AMPD1: variants seen among roughly 807,000 people sequenced by gnomAD.
The protein encoded by AMPD1 is AMP deaminase 1.
Under a neutral mutation model 82.9 loss-of-function variants are expected in AMPD1, and 74 were observed. The ratio of observed to expected loss-of-function variants is 0.89; its 90% CI spans 0.74 to 1.08. The LOEUF (loss-of-function observed/expected upper bound fraction) is 1.08. Among genes scored for constraint, AMPD1 ranks in the 50% least tolerant of loss-of-function variants. AMPD1 has a pLI of 0.00. For missense variants in AMPD1, 881 were observed against 924.5 expected (o/e 0.95, Z 0.61); for synonymous variants, 333 against 320.5 (o/e 1.04, Z -0.42).
intron 2 of AMPD1, among the ~76,000 whole-genome samples, chr1:114,692,082 A>G (rs150766227): frequency 1.5e-4 from 23 of 152,238 alleles, no homozygotes; most frequent in East Asian, 1.2e-3. Context: ...ATTGTTATGA[A>G]GATTTAACAA....
At chr1:114,692,152 G>A (rs1658534373) in intron 2 of AMPD1, among the ~76,000 whole-genome samples, 1 of 152,136 alleles carries the variant, frequency 6.6e-6, no homozygotes, top group Admixed American at 6.5e-5. Flanking sequence ...TATTAACACA[G>A]GAAGTGCAAG....
chr1:114,683,286 G>A (rs1265336625), intron 5 of AMPD1: 1 of 296,684 alleles, frequency 3.4e-6, no homozygotes. Flanking sequence ...GAATAAGTGA[G>A]GGGAAGGACA....
chr1:114,679,801 T>C (rs971608320), intron 6 of AMPD1, 93 bp from the exon 7 acceptor site: 2 of 1,456,814 alleles, frequency 1.4e-6, no homozygotes, highest in Non-Finnish European at 1.9e-6. Flanking sequence ...TTATCATTCA[T>C]AGGAAATAAT....
chr1:114,679,548 G>T, intron 7 of AMPD1, 31 bp downstream of exon 7: 10 of 1,612,920 alleles, frequency 6.2e-6, no homozygotes, highest in Non-Finnish European at 8.5e-6. Flanking sequence ...TTTTTGCCCA[G>T]GAATTACCCC....
rs1335328228 is a variant in AMPD1 at position 114,673,208 on chromosome 1, C to T, written c.2150G>A (p.Arg717Lys). The change falls in exon 16 of 16, where the codon AGG becomes AAG. Residue 717 changes from arginine (R) to lysine (K), a missense_variant. Transcript: ENST00000520113. Reference protein sequence around the residue: ...EEGPAGNDIRRTNVAQIRMAY... With the variant: ...EEGPAGNDIRKTNVAQIRMAY... The stretch of plus-strand genomic sequence containing the variant: ...CATGCGGATTTGGGCTACATTTGTC[C>T]TCCGGATATCATTTCCAGCAGGGCC... 1.2e-6 allele frequency: 2 copies of T among 1,613,976 alleles called. No homozygotes were observed. Among genetic ancestry groups the T allele is most frequent in the African/African-American group, 2.7e-5 (2 of 74,898 alleles).
intron 4 of AMPD1, among the ~76,000 whole-genome samples, chr1:114,685,068 A>G (rs1658270433): frequency 6.6e-6 from 1 of 152,202 alleles, no homozygotes; most frequent in Admixed American, 6.5e-5. Context: ...CTGAATGTTC[A>G]TTATCAGAAC....
Position 114,676,572 on chromosome 1 carries a change from G to A in AMPD1, c.1389-569C>T, listed in dbSNP as rs142345552. Among the ~76,000 whole-genome samples, 96 of 152,256 alleles carry A rather than the reference G, an allele frequency of 6.3e-4. 1 individual carries two copies. Among genetic ancestry groups the A allele is most frequent in the Non-Finnish European group, 1.1e-3 (77 of 68,022 alleles). On this transcript the variant is annotated intron_variant, in intron 10 of 15. Transcript: ENST00000520113. Reference sequence around the variant, plus strand: ...CAAGGTAACACAGCTAAATGGTTGTGTTACCTTGATTTAAGTATTGCCAGG... The same window carrying A: ...CAAGGTAACACAGCTAAATGGTTGTATTACCTTGATTTAAGTATTGCCAGG...
intron 4 of AMPD1, 113 bp from the exon 5 acceptor site, chr1:114,684,477 G>A: frequency 9.1e-7 from 1 of 1,097,540 alleles, no homozygotes; most frequent in Non-Finnish European, 1.3e-6. Context: ...AGCCCATTCT[G>A]AGACTCACCA....
At chr1:114,693,143 A>C (rs972599079) in intron 2 of AMPD1, among the ~76,000 whole-genome samples, 1 of 148,038 alleles carries the variant, frequency 6.8e-6, no homozygotes, top group African/African-American at 2.5e-5. Flanking sequence ...TAAATAAATA[A>C]ATAAATAAAT....
intron 2 of AMPD1, among the ~76,000 whole-genome samples, chr1:114,692,931 G>C (rs368972485): frequency 6.6e-6 from 1 of 151,066 alleles, no homozygotes; most frequent in Admixed American, 6.6e-5. Flanking sequence ...TCAGGAGTTC[G>C]AGACCAGCCT....
chr1:114,688,911 C>T, intron 2 of AMPD1, 170 bp from the exon 3 acceptor site: 1 of 789,660 alleles, frequency 1.3e-6, no homozygotes, highest in Non-Finnish European at 2.3e-6. Flanking sequence ...TAGTGGGTTT[C>T]TGTGTGGGTA....
chr1:114,693,695 A>G (rs570871045), intron 1 of AMPD1, among the ~76,000 whole-genome samples: 31 of 152,312 alleles, frequency 2.0e-4, no homozygotes, highest in African/African-American at 7.5e-4. Flanking sequence ...GGCACTCTCT[A>G]TAAAATATGA....
chr1:114,679,988 T>A (rs1288991635), intron 6 of AMPD1, among the ~76,000 whole-genome samples: 1 of 152,242 alleles, frequency 6.6e-6, no homozygotes, highest in Non-Finnish European at 1.5e-5. Context: ...GATTCGAGTG[T>A]GAATCCTGGC....
intron 10 of AMPD1, among the ~76,000 whole-genome samples, chr1:114,676,817 A>G (rs991072286): frequency 3.3e-5 from 5 of 152,236 alleles, no homozygotes; most frequent in Non-Finnish European, 7.4e-5. Context: ...ATACTGAACA[A>G]ACTGAAAGAG....
At chr1:114,683,278 A>C in intron 5 of AMPD1, 1 of 304,950 alleles carries the variant, frequency 3.3e-6, no homozygotes, top group Non-Finnish European at 6.4e-6. Context: ...CATGTGGTGA[A>C]TAAGTGAGGG....
Position 114,674,087 on chromosome 1 carries a change from A to G in AMPD1, c.1801-5T>C. Reference sequence around the variant, plus strand: ...CAAGTACTGTAGCACGGGACTCTGAAAAAGAAAAGTAAAAAAATATTTAAA... The same window carrying G: ...CAAGTACTGTAGCACGGGACTCTGAGAAAGAAAAGTAAAAAAATATTTAAA... On this transcript the variant is annotated splice_region_variant and splice_polypyrimidine_tract_variant and intron_variant, in intron 13 of 15. Coordinates refer to ENST00000520113, the MANE Select transcript of AMPD1 (RefSeq NM_000036.3). 6.2e-7 allele frequency: 1 copy of G among 1,612,598 alleles called. No individual in the cohort carries two copies. The highest frequency in any genetic ancestry group is 8.5e-7 in the Non-Finnish European group (1 of 1,178,740).
At chr1:114,690,295 A>G (rs1334735360) in intron 2 of AMPD1, among the ~76,000 whole-genome samples, 1 of 152,228 alleles carries the variant, frequency 6.6e-6, no homozygotes, top group Non-Finnish European at 1.5e-5. Context: ...ATGTATGTGG[A>G]AATGCCTTAA....
chr1:114,680,134 T>G (rs1284854148), intron 6 of AMPD1, 125 bp downstream of exon 6: 2 of 882,888 alleles, frequency 2.3e-6, no homozygotes, highest in South Asian at 1.4e-5. Context: ...AAGGGCTTAA[T>G]ACAGTGTTTG....
intron 12 of AMPD1, 62 bp from the exon 13 acceptor site, chr1:114,674,934 A>T: frequency 6.2e-7 from 1 of 1,604,604 alleles, no homozygotes; most frequent in Non-Finnish European, 8.5e-7. Context: ...TCACAAGAAA[A>T]TTCAGTAGAA....
Sources: allele counts gnomAD v4.1 joint callset (sites outside exome capture counted in the v4.1 genomes callset), GRCh38; gene constraint gnomAD v4.1.1; transcripts MANE v1.5; gene names NCBI Gene and HGNC (gene_info 2026-07-23, HGNC 2026-07-21).